CCNY: variants seen among roughly 807,000 people sequenced by gnomAD.
CCNY encodes cyclin Y.
Under a neutral mutation model 42.8 loss-of-function variants are expected in CCNY, and 19 were observed. The ratio of observed to expected loss-of-function variants is 0.44; its 90% CI spans 0.31 to 0.65. The LOEUF (loss-of-function observed/expected upper bound fraction) is 0.65. Among genes scored for constraint, CCNY ranks in the 30% least tolerant of loss-of-function variants. CCNY has a pLI of 0.07. For synonymous variants in CCNY, 165 were observed against 162.7 expected (o/e 1.01, Z -0.11); for missense variants, 370 against 437.3 (o/e 0.85, Z 1.37).
At chr10:35,351,416 A>AG (rs1836427425) in intron 1 of CCNY, among the ~76,000 whole-genome samples, 1 of 152,218 alleles carries the variant, frequency 6.6e-6, no homozygotes, top group Non-Finnish European at 1.5e-5. Context: ...TTTTAGAGTG[A>AG]TTCTGAAGTT....
chr10:35,535,510 G>A (rs11010221), intron 7 of CCNY, among the ~76,000 whole-genome samples: 53,713 of 151,708 alleles, frequency 0.35, 9,735 homozygotes, highest in African/African-American at 0.42. Context: ...CCCTATATGT[G>A]TATGTATATG....
At chr10:35,372,614 C>G (rs1273374859) in intron 1 of CCNY, among the ~76,000 whole-genome samples, 1 of 152,232 alleles carries the variant, frequency 6.6e-6, no homozygotes, top group Admixed American at 6.5e-5. Flanking sequence ...TGCTGGGCAT[C>G]AGCCCTTCCT....
At chr10:35,350,740 T>G (rs1476320564) in intron 1 of CCNY, among the ~76,000 whole-genome samples, 1 of 152,212 alleles carries the variant, frequency 6.6e-6, no homozygotes, top group African/African-American at 2.4e-5. Flanking sequence ...TTTAAATTAT[T>G]TGATCTCAAG....
upstream of CCNY, among the ~76,000 whole-genome samples, chr10:35,333,600 A>G (rs1564371159): frequency 6.6e-6 from 1 of 152,222 alleles, no homozygotes; most frequent in African/African-American, 2.4e-5. Context: ...CAAATCCCCA[A>G]TTAGGACATT....
chr10:35,523,935 C>A (rs1388259787), intron 4 of CCNY, among the ~76,000 whole-genome samples: 1 of 152,186 alleles, frequency 6.6e-6, no homozygotes, highest in Non-Finnish European at 1.5e-5. Flanking sequence ...TGTATGCTCC[C>A]TCACAGGGGA....
intron 1 of CCNY, among the ~76,000 whole-genome samples, chr10:35,415,488 T>G (rs1016731588): frequency 7.3e-5 from 11 of 151,334 alleles, no homozygotes; most frequent in Admixed American, 7.2e-4. Context: ...GCAGAAGGGC[T>G]TTGTGGACTC....
chr10:35,352,126 A>G (rs1030697409), intron 1 of CCNY, among the ~76,000 whole-genome samples: 5 of 152,220 alleles, frequency 3.3e-5, no homozygotes, highest in Admixed American at 3.3e-4. Context: ...GTGGGGTGAC[A>G]GTGGCTGAAA....
chr10:35,561,724 A>G lies in CCNY; in HGVS notation c.747-4299A>G, dbSNP rs2135460674. 2.6e-5 allele frequency among the ~76,000 whole-genome samples: 4 copies of G among 152,352 alleles called. No homozygotes were observed. The South Asian group carries it at 8.3e-4, about 32-fold the overall frequency. On this transcript the variant is annotated intron_variant, in intron 8 of 9. Transcript: ENST00000374704. ...ATCTCCTGCTCAAGAATTATCCAAC[A>G]GTGAGAACTTGACTGGGAGTCTCCC...
At chr10:35,536,540 G>A (rs531687849) in intron 7 of CCNY, among the ~76,000 whole-genome samples, 30 of 152,302 alleles carry the variant, frequency 2.0e-4, no homozygotes, top group East Asian at 1.7e-3. Context: ...CTAGAGACTT[G>A]TTGAATGGCT....
intron 3 of CCNY, among the ~76,000 whole-genome samples, chr10:35,323,331 T>A (rs1476787905): frequency 6.6e-6 from 1 of 152,202 alleles, no homozygotes; most frequent in Non-Finnish European, 1.5e-5. Flanking sequence ...AACTTGTACA[T>A]AGATGTTCAT....
chr10:35,466,839 C>T (rs1259671699), intron 1 of CCNY, among the ~76,000 whole-genome samples: 1 of 152,188 alleles, frequency 6.6e-6, no homozygotes, highest in East Asian at 1.9e-4. Flanking sequence ...GTGGCACAGC[C>T]ACAGCCCACT....
intron 2 of CCNY, among the ~76,000 whole-genome samples, chr10:35,484,406 C>G (rs982845791): frequency 6.6e-6 from 1 of 152,066 alleles, no homozygotes; most frequent in Admixed American, 6.6e-5. Context: ...TATTGGGAAT[C>G]TTTAGTTAGG....
chr10:35,330,300 T>A (rs1835927147), intron 3 of CCNY, among the ~76,000 whole-genome samples: 1 of 152,186 alleles, frequency 6.6e-6, no homozygotes, highest in Admixed American at 6.5e-5. Flanking sequence ...AATCCTAATT[T>A]TCATGGGCCT....
intron 1 of CCNY, among the ~76,000 whole-genome samples, chr10:35,247,833 G>A (rs549248399): frequency 6.6e-5 from 8 of 121,098 alleles, no homozygotes; most frequent in African/African-American, 2.6e-4. Flanking sequence ...CAGAGATCGC[G>A]CCACTGCACT....
chr10:35,278,628 T>C (rs1359581194), intron 3 of CCNY, among the ~76,000 whole-genome samples: 1 of 152,146 alleles, frequency 6.6e-6, no homozygotes, highest in Admixed American at 6.5e-5. Context: ...TGATCCAAAA[T>C]GCAAGTTCAA....
rs546092061 is a variant in CCNY, at chr10:35,469,070, G to A, written c.155-14334G>A. ...AAACCAAGATACTTCTGAGAGTAAA[G>A]GGGGTTAGAATTCTTTATTATGCCA... On this transcript the variant is annotated intron_variant, in intron 1 of 9. Transcript: ENST00000374704. Among the ~76,000 whole-genome samples the A allele has an allele frequency of 7.2e-5, 11 of 152,308 alleles. No homozygotes were observed. The East Asian group carries it at 9.6e-4, about 13-fold the overall frequency.
intron 1 of CCNY, among the ~76,000 whole-genome samples, chr10:35,406,241 A>ATTTATTTT (rs1837764104): frequency 4.1e-5 from 4 of 96,616 alleles, no homozygotes; most frequent in Admixed American, 1.0e-4. Context: ...TTATTTATTT[A>ATTTATTTT]TTTTTTTATT....
intron 4 of CCNY, among the ~76,000 whole-genome samples, chr10:35,523,757 CT>C (rs1044732705): frequency 3.9e-5 from 6 of 152,156 alleles, no homozygotes; most frequent in Non-Finnish European, 2.9e-5. Context: ...CTTTTATATA[CT>C]TTTTTTATTT....
chr10:35,348,599 C>T (rs1051165606), intron 1 of CCNY, among the ~76,000 whole-genome samples: 10 of 152,190 alleles, frequency 6.6e-5, no homozygotes, highest in African/African-American at 2.2e-4. Context: ...TGAGCAGGAG[C>T]CCCCGTCCAG....
Sources: allele counts gnomAD v4.1 joint callset (sites outside exome capture counted in the v4.1 genomes callset), GRCh38; gene constraint gnomAD v4.1.1; transcripts MANE v1.5; gene names NCBI Gene and HGNC (gene_info 2026-07-23, HGNC 2026-07-21).